ABHD2: variants seen among roughly 807,000 people sequenced by gnomAD.
ABHD2 encodes monoacylglycerol lipase ABHD2.
Under a neutral mutation model 48.1 loss-of-function variants are expected in ABHD2, and 20 were observed. The ratio of observed to expected loss-of-function variants is 0.42; its 90% CI spans 0.29 to 0.60. ABHD2 has a LOEUF of 0.60. Among genes scored for constraint, ABHD2 ranks in the 20% least tolerant of loss-of-function variants. The pLI is 0.24. For synonymous variants in ABHD2, 209 were observed against 214.2 expected (o/e 0.98, Z 0.21); for missense variants, 405 against 550.9 (o/e 0.74, Z 2.65).
In ABHD2 at chr15:89,197,466, T is replaced by TCTG. The variant is rs2051424658; in HGVS notation, c.*2046_*2048dup. The stretch of plus-strand genomic sequence containing the variant: ...GATCTAGAACATTCATAGTCATATT[T>TCTG]CTGCTACTACTACCTTCATTTATCA... On this transcript the variant is annotated 3_prime_UTR_variant, in exon 11 of 11. Transcript: ENST00000352732. The surrounding 1 kb of genome is among the most constrained non-coding windows in gnomAD (Gnocchi z 4.4). The TCTG allele has an allele frequency of 2.0e-5, 3 of 152,636 alleles. No individual in the cohort carries two copies. Among genetic ancestry groups the TCTG allele is most frequent in the African/African-American group, 7.2e-5 (3 of 41,454 alleles). The allele number at this position is 152,636 out of a possible 1,614,324, so 9.5% of individuals were successfully genotyped here. A position where few individuals can be genotyped will look rare whatever the true frequency, so the allele number is the denominator to read the frequency against.
intron 9 of ABHD2, 60 bp downstream of exon 9, chr15:89,191,209 G>T: frequency 6.6e-7 from 1 of 1,525,448 alleles, no homozygotes; most frequent in South Asian, 1.2e-5. Context: ...CACACAATAC[G>T]ACAGATACCT....
rs1016520519 is a variant in ABHD2, at chr15:89,188,096, G to T, written c.816-97G>T. ...GTTCTATTTCTAACTGACCACGTTG[G>T]CTCTCCCTCCTGGCTTGCTGTGGCA... On this transcript the variant is annotated intron_variant, in intron 7 of 10. Transcript: ENST00000352732. This position sits in a 1 kb window ranked among gnomAD's most constrained non-coding sequence, Gnocchi z 4.1. The T allele has an allele frequency of 2.3e-5, 22 of 962,210 alleles. No individual in the cohort carries two copies. The highest frequency in any genetic ancestry group is 3.6e-5 in the Non-Finnish European group (22 of 608,814). The allele number at this position is 962,210 out of a possible 1,614,324, so 59.6% of individuals were successfully genotyped here.
intron 1 of ABHD2, among the ~76,000 whole-genome samples, chr15:89,093,258 G>T (rs1901671833): frequency 7.1e-6 from 1 of 139,898 alleles, no homozygotes; most frequent in Non-Finnish European, 1.5e-5. Flanking sequence ...TTGGCTCGCT[G>T]CAACCTCTGC....
chr15:89,113,675 TA>T (rs2049911259), intron 1 of ABHD2, 49 bp from the exon 2 acceptor site: 1 of 152,242 alleles, frequency 6.6e-6, no homozygotes, highest in South Asian at 2.1e-4. Flanking sequence ...ACGTTTCAAT[TA>T]AACTGCTTCT....
At chr15:89,057,894 G>T in the ABHD2 span, among the ~76,000 whole-genome samples, 17 of 152,172 alleles carry the variant, frequency 1.1e-4, no homozygotes, top group Non-Finnish European at 1.9e-4. Context: ...TAGTTTGCCA[G>T]GTCTGACTTC....
chr15:89,048,924 G>A, the ABHD2 span, among the ~76,000 whole-genome samples: 52 of 117,794 alleles, frequency 4.4e-4, 3 homozygotes, highest in Non-Finnish European at 6.8e-4. Flanking sequence ...TCCGTTGCTG[G>A]TGAGGAACTG....
At chr15:89,059,707 C>T in the ABHD2 span, among the ~76,000 whole-genome samples, 202 of 152,248 alleles carry the variant, frequency 1.3e-3, no homozygotes, top group African/African-American at 4.6e-3. Flanking sequence ...AATTGATCCC[C>T]AGAAATTAGG....
At position 89,091,096 on chromosome 15, in the gene ABHD2, T is replaced by G. The variant is rs566765225; in HGVS notation, c.-107+2533T>G. Among the ~76,000 whole-genome samples the G allele has an allele frequency of 5.5e-4, 84 of 152,244 alleles. No individual in the cohort carries two copies. The highest frequency in any genetic ancestry group is 9.3e-4 in the Non-Finnish European group (63 of 68,044). On this transcript the variant is annotated intron_variant, in intron 1 of 10. Coordinates refer to ENST00000352732, the MANE Select transcript of ABHD2 (RefSeq NM_152924.5). This position sits in a 1 kb window ranked among gnomAD's most constrained non-coding sequence, Gnocchi z 5.5. The stretch of plus-strand genomic sequence containing the variant: ...GGGAATGGTCTTTTTCCTCTCATTT[T>G]AGTCAGGGTCGTTCACTTTTTTCCC...
rs1233961571 is a variant in ABHD2, at chr15:89,162,889, A to G, written c.538+7355A>G. Among the ~76,000 whole-genome samples, 3 of 152,200 alleles carry G rather than the reference A, an allele frequency of 2.0e-5. No individual in the cohort carries two copies. In the East Asian group the frequency reaches 5.8e-4, roughly 29 times the overall value. ...CTGCTGTAGTTCCCCAGTGTCTAGA[A>G]TCCTGCTTGGACCCTAGAAAGCATT... On this transcript the variant is annotated intron_variant, in intron 5 of 10. Transcript: ENST00000352732.
upstream of ABHD2, chr15:89,087,723 A>G (rs893733770): frequency 1.3e-5 from 2 of 152,322 alleles, no homozygotes; most frequent in African/African-American, 4.8e-5. The surrounding 1 kb of genome is among the most constrained non-coding windows in gnomAD (Gnocchi z 5.5). Context: ...CCCTAGTTCC[A>G]AGGCTACATT....
intron 1 of ABHD2, among the ~76,000 whole-genome samples, chr15:89,089,881 A>T (rs1432114964): frequency 6.6e-6 from 1 of 152,196 alleles, no homozygotes; most frequent in Non-Finnish European, 1.5e-5. Flanking sequence ...TACAGCTGGT[A>T]GTCAGCACGG....
rs915899481 is a variant in ABHD2 at position 89,155,817 on chromosome 15, G to T, written c.538+283G>T. On this transcript the variant is annotated intron_variant, in intron 5 of 10. Coordinates refer to ENST00000352732, the MANE Select transcript of ABHD2 (RefSeq NM_152924.5). The surrounding 1 kb of genome is among the most constrained non-coding windows in gnomAD (Gnocchi z 4.9). The stretch of plus-strand genomic sequence containing the variant: ...CCTAGCTAGTAAGAGTCACAGCAGG[G>T]CTGGGAGCCAGGTAGATCGGGTAGC... Among the ~76,000 whole-genome samples, 1 of 152,158 alleles carries T rather than the reference G, an allele frequency of 6.6e-6. No homozygotes were observed. The highest frequency in any genetic ancestry group is 6.5e-5 in the Admixed American group (1 of 15,272).
At chr15:89,062,260 T>C in the ABHD2 span, among the ~76,000 whole-genome samples, 1 of 152,032 alleles carries the variant, frequency 6.6e-6, no homozygotes, top group Non-Finnish European at 1.5e-5. Flanking sequence ...CCAAGTTTGC[T>C]GTTTGTCAGG....
chr15:89,067,614 A>G, the ABHD2 span, among the ~76,000 whole-genome samples: 2 of 152,248 alleles, frequency 1.3e-5, no homozygotes, highest in African/African-American at 2.4e-5. Context: ...GACCCCAGGC[A>G]TGTTCCAAGA....
rs1331548175 is a variant in ABHD2, at chr15:89,196,845, C to G, written c.*1422C>G. The G allele has an allele frequency of 1.3e-5, 2 of 152,644 alleles. No homozygotes were observed. The highest frequency in any genetic ancestry group is 4.8e-5 in the African/African-American group (2 of 41,458). The allele number at this position is 152,644 out of a possible 1,614,324, so 9.5% of individuals were successfully genotyped here. ...CAAGTGAAAACGCAACTCTAGGTTT[C>G]AAGTACTCCTTTTCTCCGATCCTGT... On this transcript the variant is annotated 3_prime_UTR_variant, in exon 11 of 11. Coordinates refer to ENST00000352732, the MANE Select transcript of ABHD2 (RefSeq NM_152924.5).
intron 3 of ABHD2, among the ~76,000 whole-genome samples, chr15:89,133,234 C>T (rs554555300): frequency 8.5e-5 from 13 of 152,140 alleles, no homozygotes; most frequent in South Asian, 2.1e-4. Flanking sequence ...GAAAGAGCTT[C>T]CTCCATTTAT....
chr15:89,086,848 T>C (rs758836648), upstream of ABHD2, among the ~76,000 whole-genome samples: 2 of 152,230 alleles, frequency 1.3e-5, no homozygotes, highest in Non-Finnish European at 2.9e-5. Flanking sequence ...ATGGGGTTCA[T>C]CACTAAGAGA....
rs2051464834 is a variant in ABHD2 at position 89,201,482 on chromosome 15, T to C, written c.*6059T>C. 1.3e-6 allele frequency: 2 copies of C among 1,548,632 alleles called. No individual in the cohort carries two copies. The highest frequency in any genetic ancestry group is 2.7e-5 in the African/African-American group (2 of 73,466). On this transcript the variant is annotated 3_prime_UTR_variant, in exon 11 of 11. Transcript: ENST00000352732. ...TTTGCCTCATTCCACACAGCTTCCA[T>C]ATCTGAAGTGTTTAGTGGAGCAAAA...
In ABHD2 at chr15:89,155,299, GT is replaced by G; in HGVS notation, c.371-67del. On this transcript the variant is annotated intron_variant, in intron 4 of 10. Transcript: ENST00000352732. This position sits in a 1 kb window ranked among gnomAD's most constrained non-coding sequence, Gnocchi z 4.9. ...TCCCCTTGTTTTCTAGACCAGTGAA[GT>G]GTAATTATGTCCATTTATCATGTCA... 6.6e-7 allele frequency: 1 copy of G among 1,515,040 alleles called. No homozygotes were observed. Among genetic ancestry groups the G allele is most frequent in the Non-Finnish European group, 9.1e-7 (1 of 1,103,340 alleles). 93.8% of individuals were successfully genotyped at this position (1,515,040 alleles called of 1,614,324 possible). A position where few individuals can be genotyped will look rare whatever the true frequency, so the allele number is the denominator to read the frequency against.
Sources: gnomAD v4.1 joint callset for allele counts (sites outside exome capture counted in the v4.1 genomes callset) on GRCh38, gnomAD v4.1.1 for gene constraint, Gnocchi (gnomAD v3.1) non-coding constraint, MANE v1.5 for transcripts, NCBI Gene and HGNC (gene_info 2026-07-23, HGNC 2026-07-21) for gene names.